The following GNG2 variants were observed in gnomAD, a reference collection of about 807,000 sequenced individuals.
The protein encoded by GNG2 is guanine nucleotide-binding protein G(I)/G(S)/G(O) subunit gamma-2.
GNG2 carries 5 observed loss-of-function variants against 5.5 expected under a neutral mutation model. That is an observed-to-expected ratio of 0.91 (90% confidence interval 0.48 to 1.92). The LOEUF is 1.92. Ranked by LOEUF, GNG2 falls within the 30% of genes most tolerant of loss-of-function variation. GNG2 has a pLI of 0.01. For synonymous variants in GNG2, 28 were observed against 32.0 expected, an observed-to-expected ratio of 0.88 and a Z score of 0.42; for missense variants, 55 against 88.4, an observed-to-expected ratio of 0.62 and a Z score of 1.52.
upstream of GNG2, among the ~76,000 whole-genome samples, chr14:51,856,366 A>G (rs889245010): frequency 4.6e-5 from 7 of 152,172 alleles, no homozygotes; most frequent in African/African-American, 1.7e-4. Context: ...TAGCTTATTC[A>G]TCAGTCTCTT....
chr14:51,962,843 CATT>C (rs1363733249), intron 3 of GNG2, among the ~76,000 whole-genome samples: 2 of 152,148 alleles, frequency 1.3e-5, no homozygotes, highest in African/African-American at 4.8e-5. Context: ...TGCTGTGACT[CATT>C]ATAAGGCACA....
chr14:51,855,271 C>T (rs1188449938), intron 2 of GNG2, among the ~76,000 whole-genome samples: 1 of 152,216 alleles, frequency 6.6e-6, no homozygotes, highest in Admixed American at 6.5e-5. Flanking sequence ...TGTCCCTTGT[C>T]CCACTAGCTT....
At chr14:51,909,163 T>C (rs1250595086) in intron 2 of GNG2, among the ~76,000 whole-genome samples, 1 of 152,198 alleles carries the variant, frequency 6.6e-6, no homozygotes, top group African/African-American at 2.4e-5. Flanking sequence ...TAATATTCCA[T>C]TGAGTGACTC....
chr14:51,903,964 C>G (rs1285335036), intron 2 of GNG2, among the ~76,000 whole-genome samples: 2 of 152,220 alleles, frequency 1.3e-5, no homozygotes, highest in Non-Finnish European at 2.9e-5. Flanking sequence ...AAGCAGTAGT[C>G]AGCAGCTTTG....
chr14:51,940,297 G>C (rs908041257), intron 2 of GNG2: 17 of 152,300 alleles, frequency 1.1e-4, no homozygotes, highest in African/African-American at 3.9e-4. Flanking sequence ...GTCTGGCCCC[G>C]CTGTGAACCC....
At position 51,827,547 on chromosome 14, in the gene GNG2, ATT is replaced by A. The variant is rs1321595143; in HGVS notation, c.-76-116_-76-115del. 2.6e-5 allele frequency: 15 copies of A among 582,386 alleles called. 1 individual carries two copies. The East Asian group carries it at 3.7e-4, about 14-fold the overall frequency. 36.1% of individuals were successfully genotyped at this position (582,386 alleles called of 1,614,324 possible). Reference sequence around the variant, plus strand: ...ATGTAGTGAGAAAGCTAGGAGTGGTATTTTTTGATGTCATACAGTTCCAGACT... The same window carrying A: ...ATGTAGTGAGAAAGCTAGGAGTGGTATTTTGATGTCATACAGTTCCAGACT... On this transcript the variant is annotated intron_variant, in intron 1 of 3. Transcript: ENST00000553432.
Position 51,951,061 on chromosome 14 carries a change from C to T in GNG2, c.87+296C>T, listed in dbSNP as rs545159220. Among the ~76,000 whole-genome samples, 5 of 152,146 alleles carry T rather than the reference C, an allele frequency of 3.3e-5. No homozygotes were observed. The East Asian group carries it at 7.7e-4, about 24-fold the overall frequency. ...AGAGAACACATAAAATATATCAGCGCACTAGTTCCCCTCCCTGTCCTCATG... is the reference window on the plus strand; with the variant it reads ...AGAGAACACATAAAATATATCAGCGTACTAGTTCCCCTCCCTGTCCTCATG... On this transcript the variant is annotated intron_variant, in intron 3 of 3. Coordinates refer to ENST00000556766, the MANE Select transcript of GNG2 (RefSeq NM_053064.5).
chr14:51,865,255 G>A (rs1412285614), intron 1 of GNG2, among the ~76,000 whole-genome samples: 3 of 152,064 alleles, frequency 2.0e-5, no homozygotes, highest in Non-Finnish European at 4.4e-5. Flanking sequence ...GGAGAAGCCA[G>A]GTGCCTGTCT....
rs3030340 is a variant in GNG2, at chr14:51,908,736, A to ATTT, written c.-30+31100_-30+31102dup. ...AGGCGTGCGCCACCACACCCAGCTA[A>ATTT]TTTTTTTTTTTTTTTTTTTTTTTAG... On this transcript the variant is annotated intron_variant, in intron 2 of 3. Coordinates refer to ENST00000556766, the MANE Select transcript of GNG2 (RefSeq NM_053064.5). Among the ~76,000 whole-genome samples the ATTT allele has an allele frequency of 6.4e-3, 574 of 89,858 alleles. 36 individuals carry two copies. Among genetic ancestry groups the ATTT allele is most frequent in the African/African-American group, 0.022 (528 of 23,842 alleles). 59.0% of individuals were successfully genotyped at this position (89,858 alleles called of 152,430 possible).
intron 2 of GNG2, among the ~76,000 whole-genome samples, chr14:51,910,253 G>C (rs1886214938): frequency 6.6e-6 from 1 of 152,212 alleles, no homozygotes; most frequent in Non-Finnish European, 1.5e-5. Flanking sequence ...TGCTGGTAGA[G>C]TCATGACAGG....
intron 2 of GNG2, among the ~76,000 whole-genome samples, chr14:51,894,606 G>A (rs1293104485): frequency 6.6e-6 from 1 of 152,052 alleles, no homozygotes; most frequent in Non-Finnish European, 1.5e-5. Flanking sequence ...ATGATGTTAA[G>A]AGTAAAATCC....
intron 2 of GNG2, among the ~76,000 whole-genome samples, chr14:51,849,197 T>C (rs955123166): frequency 2.0e-5 from 3 of 152,136 alleles, no homozygotes; most frequent in African/African-American, 4.8e-5. Flanking sequence ...GTGCTGGTTG[T>C]TGACAGGAGA....
Position 51,932,246 on chromosome 14 carries a change from CAAAAAAAAAAAA to C in GNG2, c.-29-18389_-29-18378del, listed in dbSNP as rs781725794. ...TGGGCAACAGAGCAAGACTCTGTCT[CAAAAAAAAAAAA>C]AAAAAAAAAAAAAAGAAAAGAAAAT... On this transcript the variant is annotated intron_variant, in intron 2 of 3. Coordinates refer to ENST00000556766, the MANE Select transcript of GNG2 (RefSeq NM_053064.5). Among the ~76,000 whole-genome samples the C allele has an allele frequency of 1.5e-3, 34 of 23,200 alleles. 1 individual carries two copies. In the South Asian group the frequency reaches 0.056, roughly 38 times the overall value. 15.2% of individuals were successfully genotyped at this position (23,200 alleles called of 152,430 possible).
intron 2 of GNG2, among the ~76,000 whole-genome samples, chr14:51,948,091 A>G (rs975577852): frequency 6.6e-6 from 1 of 152,222 alleles, no homozygotes; most frequent in Non-Finnish European, 1.5e-5. Flanking sequence ...GAGGAAGGAG[A>G]GACAAGGCGT....
chr14:51,895,481 C>T (rs924698709), intron 2 of GNG2, among the ~76,000 whole-genome samples: 4 of 152,118 alleles, frequency 2.6e-5, no homozygotes, highest in African/African-American at 4.8e-5. Flanking sequence ...AAGATGTTTA[C>T]TTATAACATT....
rs1466848988 is a variant in GNG2, at chr14:51,881,490, AC to A, written c.-30+3834del. 2.6e-5 allele frequency among the ~76,000 whole-genome samples: 4 copies of A among 152,156 alleles called. No individual in the cohort carries two copies. The East Asian group carries it at 7.7e-4, about 29-fold the overall frequency. Reference sequence around the variant, plus strand: ...GGCCTTTCCCCACTACTTCTGCAGTACTCTGCCAGCATCATCCGTAGCAAAA... The same window carrying A: ...GGCCTTTCCCCACTACTTCTGCAGTATCTGCCAGCATCATCCGTAGCAAAA... On this transcript the variant is annotated intron_variant, in intron 2 of 3. Transcript: ENST00000556766.
chr14:51,914,324 G>T, intron 2 of GNG2: 1 of 700,786 alleles, frequency 1.4e-6, no homozygotes, highest in Non-Finnish European at 2.6e-6. Context: ...ATGTCTGAAA[G>T]AAAAACTGAT....
intron 2 of GNG2, among the ~76,000 whole-genome samples, chr14:51,938,781 T>C (rs17124751): frequency 5.6e-4 from 85 of 152,202 alleles, no homozygotes; most frequent in Admixed American, 1.1e-3. Context: ...TCTCATGTTA[T>C]GATTTTGGAA....
At position 51,968,376 on chromosome 14, in the gene GNG2, A is replaced by G. The variant is rs1890042817; in HGVS notation, c.*1689A>G. On this transcript the variant is annotated 3_prime_UTR_variant, in exon 4 of 4. Transcript: ENST00000556766. ...TCTCCTGTTTTTTTTTTAAAAAAAAAGCATGAAAAAGGAAGAGAAAAAGTT... is the reference window on the plus strand; with the variant it reads ...TCTCCTGTTTTTTTTTTAAAAAAAAGGCATGAAAAAGGAAGAGAAAAAGTT... 1 of 151,534 alleles carries G rather than the reference A, an allele frequency of 6.6e-6. No individual in the cohort carries two copies. Among genetic ancestry groups the G allele is most frequent in the South Asian group, 2.1e-4 (1 of 4,796 alleles). 9.4% of individuals were successfully genotyped at this position (151,534 alleles called of 1,614,324 possible).
Sources: gnomAD v4.1 joint callset for allele counts (sites outside exome capture counted in the v4.1 genomes callset) on GRCh38, gnomAD v4.1.1 for gene constraint, MANE v1.5 for transcripts, NCBI Gene and HGNC (gene_info 2026-07-23, HGNC 2026-07-21) for gene names.